The following XXYLT1 variants were observed in gnomAD, a reference collection of about 807,000 sequenced individuals.
XXYLT1 encodes the protein xyloside xylosyltransferase 1.
In XXYLT1, 20 loss-of-function variants were observed where a neutral mutation model predicts 28.9. That is an observed-to-expected ratio of 0.69 (90% CI 0.49 to 1.00). The LOEUF (loss-of-function observed/expected upper bound fraction) is 1.00, where lower values mean the gene tolerates loss of function less well. Among genes scored for constraint, XXYLT1 ranks in the 50% least tolerant of loss-of-function variants. The pLI, the probability that XXYLT1 is intolerant of heterozygous loss-of-function variation, is 0.00. For synonymous variants in XXYLT1, 257 were observed against 253.8 expected, an observed-to-expected ratio of 1.01 and a Z score of -0.12; for missense variants, 542 against 560.1, an observed-to-expected ratio of 0.97 and a Z score of 0.33.
At chr3:195,108,848 C>G (rs992792820) in intron 3 of XXYLT1, among the ~76,000 whole-genome samples, 9 of 152,210 alleles carry the variant, frequency 5.9e-5, no homozygotes, top group African/African-American at 2.2e-4. Context: ...TCACTCTCCC[C>G]CTCCATGAAG....
chr3:195,150,477 C>A lies in XXYLT1; in HGVS notation c.785+5972G>T, dbSNP rs1165804383. ...CGTCTGGAAGAACCCGAGGCTGGCA[C>A]AGCACCATCAGCAAATAAAACCATG... is the stretch of plus-strand genomic sequence containing the variant. On this transcript the variant is annotated intron_variant, in intron 3 of 3. Coordinates refer to ENST00000310380, the MANE Select transcript of XXYLT1 (RefSeq NM_152531.5). The surrounding 1 kb of genome is among the most constrained non-coding windows in gnomAD (Gnocchi z 4.7). Among the ~76,000 whole-genome samples, 1 of 152,232 alleles carries A rather than the reference C, an allele frequency of 6.6e-6. No individual in the cohort carries two copies. Among genetic ancestry groups the A allele is most frequent in the African/African-American group, 2.4e-5 (1 of 41,450 alleles).
At chr3:195,117,643 A>ACC (rs35510379) in intron 3 of XXYLT1, among the ~76,000 whole-genome samples, 2,428 of 151,908 alleles carry the variant, frequency 0.016, 62 homozygotes, top group African/African-American at 0.056. Context: ...AACTCCATGC[A>ACC]CCCCCCTCTC....
chr3:195,171,668 G>A (rs576882174), intron 2 of XXYLT1, among the ~76,000 whole-genome samples: 69 of 152,344 alleles, frequency 4.5e-4, no homozygotes, highest in African/African-American at 1.5e-3. Context: ...TGATGAGGCA[G>A]AGACGCCATG....
chr3:195,266,810 G>C (rs1361251525), intron 1 of XXYLT1, among the ~76,000 whole-genome samples: 2 of 152,188 alleles, frequency 1.3e-5, no homozygotes, highest in African/African-American at 4.8e-5. Flanking sequence ...GAGCCCACAG[G>C]CTGGGGTGGG....
intron 3 of XXYLT1, among the ~76,000 whole-genome samples, chr3:195,143,164 T>G (rs367766951): frequency 6.6e-6 from 1 of 152,208 alleles, no homozygotes; most frequent in African/African-American, 2.4e-5. Flanking sequence ...AATCAGCTAT[T>G]TCAAGTAACA....
In XXYLT1 at chr3:195,069,996, G is replaced by A. The variant is rs746241527; in HGVS notation, c.901C>T (p.Arg301Cys). Residue 301 changes from arginine to cysteine, a missense_variant, in exon 4 of 4, where the codon CGC becomes TGC. Transcript: ENST00000310380. ...AGGCGGCTGTAGAGCGGGGACTGGC[G>A]CATGGCCTCCAGGTTCAGCAACATC... Reference protein sequence around the residue: ...GVMLLNLEAMRQSPLYSRLLE... With the variant: ...GVMLLNLEAMCQSPLYSRLLE... The A allele has an allele frequency of 5.6e-6, 9 of 1,607,508 alleles. No homozygotes were observed. The highest frequency in any genetic ancestry group is 2.2e-5 in the East Asian group (1 of 44,878).
chr3:195,159,196 G>A (rs1720749386), intron 2 of XXYLT1, among the ~76,000 whole-genome samples: 1 of 152,190 alleles, frequency 6.6e-6, no homozygotes, highest in Non-Finnish European at 1.5e-5. Context: ...CAGCACCCAA[G>A]GCTGCCTGAA....
At chr3:195,143,850 A>C (rs1370990881) in intron 3 of XXYLT1, among the ~76,000 whole-genome samples, 1 of 69,032 alleles carries the variant, frequency 1.4e-5, no homozygotes, top group African/African-American at 4.7e-5. Flanking sequence ...ATAGATATAT[A>C]TATAGATATA....
chr3:195,112,658 C>A (rs1226977880), intron 3 of XXYLT1, among the ~76,000 whole-genome samples: 1 of 150,748 alleles, frequency 6.6e-6, no homozygotes, highest in African/African-American at 2.4e-5. Context: ...CAGCTCCCAG[C>A]CCCGGGTGGT....
chr3:195,110,450 AGT>A (rs1491343824), intron 3 of XXYLT1, among the ~76,000 whole-genome samples: 58 of 90,446 alleles, frequency 6.4e-4, no homozygotes, highest in Admixed American at 1.6e-3. Context: ...TGTGGTGTAA[AGT>A]GTGTGTGGTG....
chr3:195,069,722 T>C lies in XXYLT1; in HGVS notation c.1175A>G (p.Glu392Gly). Residue 392 changes from glutamate (E) to glycine (G), a missense_variant, in exon 4 of 4, where the codon GAG becomes GGG. Glu to Gly is a moderately conservative substitution (Grantham distance 98). Coordinates refer to ENST00000310380, the MANE Select transcript of XXYLT1 (RefSeq NM_152531.5). ...GCAAGGCACGGGGAGCGCCTAGTCC[T>C]CCGGGATGGGAGTGTTGCAGTTCCC... ...YHGNCNTPIPED is the reference protein window; with the variant it reads ...YHGNCNTPIPGD The C allele has an allele frequency of 6.2e-7, 1 of 1,611,872 alleles. No individual in the cohort carries two copies. The highest frequency in any genetic ancestry group is 8.5e-7 in the Non-Finnish European group (1 of 1,179,262).
intron 3 of XXYLT1, among the ~76,000 whole-genome samples, chr3:195,143,050 T>C (rs768126300): frequency 3.9e-5 from 6 of 152,230 alleles, no homozygotes; most frequent in Non-Finnish European, 5.9e-5. Flanking sequence ...TCTTTCAAAA[T>C]TGCATTTCTG....
chr3:195,134,324 AC>A (rs1408617608), intron 3 of XXYLT1, among the ~76,000 whole-genome samples: 3 of 152,218 alleles, frequency 2.0e-5, no homozygotes, highest in Non-Finnish European at 4.4e-5. Context: ...CCACTGACGC[AC>A]CCGGAGCAAC....
intron 2 of XXYLT1, among the ~76,000 whole-genome samples, chr3:195,220,108 G>A (rs1023774543): frequency 2.0e-5 from 3 of 152,168 alleles, no homozygotes; most frequent in Non-Finnish European, 2.9e-5. Flanking sequence ...AGGCTGGGGC[G>A]GATATATGAA....
intron 3 of XXYLT1, among the ~76,000 whole-genome samples, chr3:195,127,297 T>C (rs1718690203): frequency 6.6e-6 from 1 of 152,120 alleles, no homozygotes; most frequent in Non-Finnish European, 1.5e-5. Context: ...CATCCGTAGA[T>C]TTGGTTTTGT....
At chr3:195,108,922 G>A (rs563037403) in intron 3 of XXYLT1, among the ~76,000 whole-genome samples, 1 of 152,240 alleles carries the variant, frequency 6.6e-6, no homozygotes, top group African/African-American at 2.4e-5. Context: ...CCCACACAGT[G>A]GCTAGAAATA....
chr3:195,271,064 A>G lies in XXYLT1; in HGVS notation c.-6T>C. ...CCGCCTCGGAGGAGGCCCATGCGCT[A>G]CGAGACCGCGGCGCCAGCGGTGCCA... On this transcript the variant is annotated 5_prime_UTR_variant, in exon 1 of 4. Transcript: ENST00000310380. The G allele has an allele frequency of 7.4e-7, 1 of 1,345,450 alleles. No individual in the cohort carries two copies. Among genetic ancestry groups the G allele is most frequent in the South Asian group, 1.8e-5 (1 of 55,630 alleles). 83.3% of individuals were successfully genotyped at this position (1,345,450 alleles called of 1,614,324 possible).
chr3:195,243,041 T>C (rs964763067), intron 1 of XXYLT1, among the ~76,000 whole-genome samples: 7 of 152,068 alleles, frequency 4.6e-5, no homozygotes, highest in African/African-American at 1.7e-4. Flanking sequence ...CAAAAAAGGA[T>C]GAGTTCACGT....
At chr3:195,102,129 A>C (rs1425124905) in intron 3 of XXYLT1, among the ~76,000 whole-genome samples, 1 of 152,006 alleles carries the variant, frequency 6.6e-6, no homozygotes, top group African/African-American at 2.4e-5. Flanking sequence ...GGTATATCTG[A>C]GTCTATGTTT....
Sources: allele counts gnomAD v4.1 joint callset (sites outside exome capture counted in the v4.1 genomes callset), GRCh38; gene constraint gnomAD v4.1.1; non-coding constraint Gnocchi (gnomAD v3.1); transcripts MANE v1.5; gene names NCBI Gene and HGNC (gene_info 2026-07-23, HGNC 2026-07-21).